Variants in C5 observed in about 807,000 individuals in gnomAD.
C5 encodes C3 and PZP-like alpha-2-macroglobulin domain-containing protein 4.
C5 carries 140 observed loss-of-function variants against 218.8 expected under a neutral mutation model. The observed-to-expected ratio is 0.64, with a 90% CI of 0.56 to 0.74. The LOEUF is 0.74. Among genes scored for constraint, C5 ranks in the 30% least tolerant of loss-of-function variants. The probability of loss-of-function intolerance (pLI) is 0.00; values close to 1 mark genes in which losing one functional copy is unlikely to be tolerated. For missense variants in C5, 1,700 were observed against 1,969.6 expected (o/e 0.86, Z 2.59); for synonymous variants, 614 against 682.3 (o/e 0.90, Z 1.56).
Position 121,016,299 on chromosome 9 carries a change from G to A in C5, c.1951C>T (p.Leu651Phe). 6.2e-7 allele frequency: 1 copy of A among 1,614,066 alleles called. No homozygotes were observed. Among genetic ancestry groups the A allele is most frequent in the African/African-American group, 1.3e-5 (1 of 75,034 alleles). The change falls in exon 15 of 41, where the codon CTT (leucine) becomes TTT (phenylalanine). Residue 651 changes from leucine (L) to phenylalanine (F), a missense_variant. By Grantham distance (22) the Leu-to-Phe change is conservative. Coordinates refer to ENST00000223642, the MANE Select transcript of C5 (RefSeq NM_001735.3). ...NNANVFHLAGLTFLTNANADD... is the reference protein window; with the variant it reads ...NNANVFHLAGFTFLTNANADD... ...GCATTTGCATTAGTGAGGAAGGTAA[G>A]TCCAGCTAGGTGGAACACATTGGCA...
At chr9:121,072,383 C>T in the C5 span, among the ~76,000 whole-genome samples, 3 of 152,156 alleles carry the variant, frequency 2.0e-5, no homozygotes, top group Admixed American at 2.0e-4. Context: ...AATGAGGTTA[C>T]GCAATAAATC....
At chr9:120,984,689 A>C (rs2047019556) in intron 25 of C5, among the ~76,000 whole-genome samples, 1 of 124,270 alleles carries the variant, frequency 8.0e-6, no homozygotes, top group Non-Finnish European at 1.8e-5. Context: ...GATTATAGTA[A>C]GTATTCAATA....
At position 121,002,316 on chromosome 9, in the gene C5, G is replaced by GTGTGTGTGTGTATATA. The variant is rs572345213; in HGVS notation, c.2562+3602_2562+3603insTATATACACACACACA. Among the ~76,000 whole-genome samples, 647 of 87,224 alleles carry GTGTGTGTGTGTATATA rather than the reference G, an allele frequency of 7.4e-3. 57 individuals are homozygous for GTGTGTGTGTGTATATA. The highest frequency in any genetic ancestry group is 0.015 in the East Asian group (42 of 2,798). 57.2% of individuals were successfully genotyped at this position (87,224 alleles called of 152,430 possible). On this transcript the variant is annotated intron_variant, in intron 20 of 40. Coordinates refer to ENST00000223642, the MANE Select transcript of C5 (RefSeq NM_001735.3). ...TATATATGTATATATATATGTGTGTGTATATATATATATATATATATATAT... is the reference window on the plus strand; with the variant it reads ...TATATATGTATATATATATGTGTGTGTGTGTGTGTGTATATATATATATATATATATATATATATAT...
rs758648995 is a variant in C5, at chr9:121,008,492, T to C, written c.2264A>G (p.Lys755Arg). The change falls in exon 18 of 41, where the codon AAG becomes AGG. Residue 755 changes from lysine to arginine, a missense_variant. Lys to Arg is a conservative substitution (Grantham distance 26, BLOSUM62 2). Coordinates refer to ENST00000223642, the MANE Select transcript of C5 (RefSeq NM_001735.3). ...TGGCTTGCTTACTGGTAACAGGGTC[T>C]TCATGTCTGGACAAAAAAATCATAT... is the stretch of plus-strand genomic sequence containing the variant. ...KDMQLGRLHM[K>R]TLLPVSKPEI... 10 of 1,611,426 alleles carry C rather than the reference T, an allele frequency of 6.2e-6. No homozygotes were observed. The South Asian group carries it at 1.1e-4, about 18-fold the overall frequency.
rs921147862 is a variant in C5, at chr9:120,955,087, G to A, written c.4763-1219C>T. Among the ~76,000 whole-genome samples the A allele has an allele frequency of 7.9e-5, 12 of 152,304 alleles. No individual in the cohort carries two copies. The South Asian group carries it at 2.5e-3, about 32-fold the overall frequency. Reference sequence around the variant, plus strand: ...TCCTTACCTATTCTAAGCACTCTGTGCTTTGGAGAAATACCAATTTATCCT... The same window carrying A: ...TCCTTACCTATTCTAAGCACTCTGTACTTTGGAGAAATACCAATTTATCCT... On this transcript the variant is annotated intron_variant, in intron 39 of 40. Transcript: ENST00000223642.
intron 2 of C5, among the ~76,000 whole-genome samples, chr9:121,043,560 A>G (rs2047599330): frequency 6.6e-6 from 1 of 150,386 alleles, no homozygotes. Flanking sequence ...ACGGAGTCTC[A>G]CTTACTCTGT....
At chr9:121,029,851 C>T (rs2047458897) in intron 7 of C5, among the ~76,000 whole-genome samples, 1 of 152,206 alleles carries the variant, frequency 6.6e-6, no homozygotes, top group Non-Finnish European at 1.5e-5. Flanking sequence ...GAGGCACACA[C>T]ACTTTTAGCC....
chr9:120,990,148 A>T (rs964747074), intron 23 of C5, among the ~76,000 whole-genome samples: 3 of 152,168 alleles, frequency 2.0e-5, no homozygotes, highest in African/African-American at 7.2e-5. Context: ...GAGTGCTGAC[A>T]TGACTGTCTA....
intron 40 of C5, 69 bp downstream of exon 40, chr9:120,953,661 T>C (rs2046763622): frequency 6.9e-7 from 1 of 1,448,690 alleles, no homozygotes; most frequent in Non-Finnish European, 9.7e-7. Flanking sequence ...AAACACGTAG[T>C]GTATTTAAGA....
chr9:120,992,445 G>A (rs1447890005), intron 22 of C5, among the ~76,000 whole-genome samples: 2 of 152,126 alleles, frequency 1.3e-5, no homozygotes, highest in Non-Finnish European at 2.9e-5. Flanking sequence ...TTTCCTCAAA[G>A]GATTTTTGTG....
chr9:121,068,081 G>A, the C5 span, among the ~76,000 whole-genome samples: 1 of 152,038 alleles, frequency 6.6e-6, no homozygotes, highest in Non-Finnish European at 1.5e-5. Flanking sequence ...TACAATGCAA[G>A]GATCCCAAAC....
At chr9:120,997,994 G>A (rs1196502003) in intron 20 of C5, among the ~76,000 whole-genome samples, 2 of 152,004 alleles carry the variant, frequency 1.3e-5, no homozygotes. Flanking sequence ...GTAGAGGCAC[G>A]GTTTCTCCAT....
chr9:121,069,754 TCCTCCCACCTCAG>T, the C5 span, among the ~76,000 whole-genome samples: 1 of 151,950 alleles, frequency 6.6e-6, no homozygotes, highest in Admixed American at 6.6e-5. Context: ...GCTGAAGAGA[TCCTCCCACCTCAG>T]CCTCCCAAAG....
In C5 at chr9:120,982,537, A is replaced by G. The variant is rs369574278; in HGVS notation, c.3390+118T>C. 41 of 842,810 alleles carry G rather than the reference A, an allele frequency of 4.9e-5. No individual in the cohort carries two copies. The African/African-American group carries it at 6.0e-4, about 12-fold the overall frequency. 52.2% of individuals were successfully genotyped at this position (842,810 alleles called of 1,614,324 possible). On this transcript the variant is annotated intron_variant, in intron 26 of 40. Transcript: ENST00000223642. ...CTTTGTATATTTTGCTTGTTCACAA[A>G]GGAATTTCTTGCAGAATTACATTTT...
At chr9:121,072,542 C>A in the C5 span, among the ~76,000 whole-genome samples, 7 of 152,066 alleles carry the variant, frequency 4.6e-5, no homozygotes, top group East Asian at 5.8e-4. Context: ...CGCGGTGGCT[C>A]ACGCCTGTAA....
chr9:121,050,483 G>A (rs1356409730), upstream of C5, among the ~76,000 whole-genome samples: 2 of 152,136 alleles, frequency 1.3e-5, no homozygotes, highest in African/African-American at 4.8e-5. Context: ...ACAAATAAAG[G>A]GACCCTAAAA....
chr9:120,980,179 A>G lies in C5; in HGVS notation c.3562T>C (p.Leu1188=), dbSNP rs955581138. The change falls in exon 28 of 41, where the codon TTG becomes CTG. Residue 1188 remains leucine (L), a synonymous_variant. Transcript: ENST00000223642. ...GAAAGAGCATACGCAGAAATGGCCA[A>G]TGTAAAGGTGCTCTGGGCTGGCAGT... The part of the protein sequence containing the change: ...NTLPAQSTFT[L]AISAYALSLG... The G allele has an allele frequency of 3.1e-6, 5 of 1,613,940 alleles. No homozygotes were observed. In the Admixed American group the frequency reaches 5.0e-5, roughly 16 times the overall value.
the C5 span, among the ~76,000 whole-genome samples, chr9:121,066,765 G>A: frequency 1.5e-4 from 23 of 150,652 alleles, no homozygotes; most frequent in Admixed American, 1.2e-3. Context: ...CAGAAGAATC[G>A]CTTAAACCTG....
chr9:121,067,487 T>C, the C5 span, among the ~76,000 whole-genome samples: 1 of 150,946 alleles, frequency 6.6e-6, no homozygotes, highest in East Asian at 2.0e-4. Context: ...TCACTTGAAC[T>C]CGGGGGGTGG....
Sources: gnomAD v4.1 joint callset for allele counts (sites outside exome capture counted in the v4.1 genomes callset) on GRCh38, gnomAD v4.1.1 for gene constraint, MANE v1.5 for transcripts, NCBI Gene and HGNC (gene_info 2026-07-23, HGNC 2026-07-21) for gene names.